Variants in CNOT3 observed in about 807,000 individuals in gnomAD.
CNOT3 encodes the protein CCR4-associated factor 3.
A neutral mutation model predicts 89.4 loss-of-function variants in CNOT3; 2 were observed. The observed-to-expected ratio is 0.02, with a 90% confidence interval of 0.01 to 0.07. CNOT3 has a LOEUF of 0.07. CNOT3 is among the 10% of genes least tolerant of loss of function. The probability of loss-of-function intolerance (pLI) is 1.00; values close to 1 mark genes in which losing one functional copy is unlikely to be tolerated. For synonymous variants in CNOT3, 486 were observed against 402.0 expected, an observed-to-expected ratio of 1.21 and a Z score of -2.50; for missense variants, 664 against 1,010.2, an observed-to-expected ratio of 0.66 and a Z score of 4.65.
Position 54,144,193 on chromosome 19 carries a change from C to G in CNOT3, c.388-44C>G. ...GAGGATCCTGAGCCCTGGGTGTAGG[C>G]GGAACCCTAGCTGATGGGCTTCCTC... is the stretch of plus-strand genomic sequence containing the variant. On this transcript the variant is annotated intron_variant, in intron 6 of 17. Coordinates refer to ENST00000221232, the MANE Select transcript of CNOT3 (RefSeq NM_014516.4). This position sits in a 1 kb window ranked among gnomAD's most constrained non-coding sequence, Gnocchi z 4.8. 1 of 1,612,608 alleles carries G rather than the reference C, an allele frequency of 6.2e-7. No individual in the cohort carries two copies. The highest frequency in any genetic ancestry group is 8.5e-7 in the Non-Finnish European group (1 of 1,179,078).
At chr19:54,138,452 C>T (rs1183377412) in intron 1 of CNOT3, among the ~76,000 whole-genome samples, 1 of 152,162 alleles carries the variant, frequency 6.6e-6, no homozygotes, top group Non-Finnish European at 1.5e-5. Flanking sequence ...GGCCTCGGTC[C>T]TTCGCGTTGT....
At chr19:54,149,827 G>A in intron 13 of CNOT3, 69 bp downstream of exon 13, 1 of 1,446,746 alleles carries the variant, frequency 6.9e-7, no homozygotes, top group Non-Finnish European at 9.3e-7. Flanking sequence ...CAGGTCTCTA[G>A]CTGCACCCCT....
In CNOT3 at chr19:54,146,653, G is replaced by C; in HGVS notation, c.890G>C (p.Ser297Thr). ...GGACGTTCCACAGACAGTGAAGTCA[G>C]CCAGGTGGGTGTGAGCCTGGACCGG... Reference protein sequence around the residue: ...KRGRSTDSEVSQSPAKNGSKP... With the variant: ...KRGRSTDSEVTQSPAKNGSKP... Residue 297 changes from serine to threonine, a missense_variant, in exon 10 of 18, where the codon AGC (serine) becomes ACC (threonine). This residue lies in a region of CNOT3 where 545 missense variants were observed against 566.2 expected (regional missense o/e 0.96). Transcript: ENST00000221232. 1 of 1,546,350 alleles carries C rather than the reference G, an allele frequency of 6.5e-7. No homozygotes were observed. Among genetic ancestry groups the C allele is most frequent in the Non-Finnish European group, 8.9e-7 (1 of 1,118,234 alleles).
chr19:54,150,745 C>A (rs779358847), intron 13 of CNOT3, among the ~76,000 whole-genome samples: 2 of 152,026 alleles, frequency 1.3e-5, no homozygotes, highest in Non-Finnish European at 2.9e-5. Context: ...AAATCATCCT[C>A]ATAAAGCTCT....
At position 54,142,955 on chromosome 19, in the gene CNOT3, G is replaced by T. The variant is rs748702578; in HGVS notation, c.-24G>T. On this transcript the variant is annotated 5_prime_UTR_variant, in exon 2 of 18. Coordinates refer to ENST00000221232, the MANE Select transcript of CNOT3 (RefSeq NM_014516.4). ...GTCCGTCTCCAAGAGAGTATGAAGA[G>T]AGTGCGTCTGTAGGGCAGGGAAGAT... 6.2e-7 allele frequency: 1 copy of T among 1,613,128 alleles called. No individual in the cohort carries two copies.
At chr19:54,152,808 C>A (rs2075198008) in intron 15 of CNOT3, 59 bp from the exon 16 acceptor site, 3 of 901,228 alleles carry the variant, frequency 3.3e-6, no homozygotes, top group Non-Finnish European at 5.4e-6. Flanking sequence ...TCTGAGCACC[C>A]TTTTGATCAC....
At position 54,152,210 on chromosome 19, in the gene CNOT3, C is replaced by T. The variant is rs747626904; in HGVS notation, c.1606-16C>T. 4 of 1,613,804 alleles carry T rather than the reference C, an allele frequency of 2.5e-6. No individual in the cohort carries two copies. Among genetic ancestry groups the T allele is most frequent in the Non-Finnish European group, 3.4e-6 (4 of 1,179,866 alleles). On this transcript the variant is annotated splice_polypyrimidine_tract_variant and intron_variant, in intron 13 of 17. Transcript: ENST00000221232. ...CAGCCCAAGTGCTCAGGCCAGGCCT[C>T]TTGTTTCCTCCCCAGGCCCCTGAGC... is the stretch of plus-strand genomic sequence containing the variant.
chr19:54,140,498 G>A (rs587756212), intron 1 of CNOT3, among the ~76,000 whole-genome samples: 2 of 152,260 alleles, frequency 1.3e-5, no homozygotes, highest in African/African-American at 4.8e-5. Context: ...TCTGCTTCGA[G>A]ACTCAGGCTC....
rs190206269 is a variant in CNOT3, at chr19:54,148,212, C to T, written c.959C>T (p.Pro320Leu). The change falls in exon 11 of 18, where the codon CCG becomes CTG. Residue 320 changes from proline (P) to leucine (L), a missense_variant. Transcript: ENST00000221232. This position sits in a 1 kb window ranked among gnomAD's most constrained non-coding sequence, Gnocchi z 6.3. ...CAGCACCCTCAGTCCCCAGCTGTGCCGCCCACCTACCCCTCCGGCCCCCCG... is the reference window on the plus strand; with the variant it reads ...CAGCACCCTCAGTCCCCAGCTGTGCTGCCCACCTACCCCTCCGGCCCCCCG... ...SNQHPQSPAV[P>L]PTYPSGPPPA... 4.3e-5 allele frequency: 69 copies of T among 1,591,372 alleles called. No homozygotes were observed. Among genetic ancestry groups the T allele is most frequent in the African/African-American group, 8.1e-5 (6 of 74,306 alleles).
Position 54,152,848 on chromosome 19 carries a change from C to A in CNOT3, c.1905-19C>A. 2 of 1,284,820 alleles carry A rather than the reference C, an allele frequency of 1.6e-6. No individual in the cohort carries two copies. The highest frequency in any genetic ancestry group is 1.3e-5 in the South Asian group (1 of 75,016). 79.6% of individuals were successfully genotyped at this position (1,284,820 alleles called of 1,614,324 possible). ...GGACTAGTAGGCAGCTGGCACTGAC[C>A]TTCCTGTTGCTCTCACAGGCAGTAC... On this transcript the variant is annotated intron_variant, in intron 15 of 17. Coordinates refer to ENST00000221232, the MANE Select transcript of CNOT3 (RefSeq NM_014516.4).
Position 54,152,768 on chromosome 19 carries a change from C to T in CNOT3, c.1905-99C>T, listed in dbSNP as rs2075194081. The T allele has an allele frequency of 4.6e-6, 4 of 865,022 alleles. No individual in the cohort carries two copies. In the East Asian group the frequency reaches 7.3e-5, roughly 16 times the overall value. 53.6% of individuals were successfully genotyped at this position (865,022 alleles called of 1,614,324 possible). A position where few individuals can be genotyped will look rare whatever the true frequency, so the allele number is the denominator to read the frequency against. On this transcript the variant is annotated intron_variant, in intron 15 of 17. Transcript: ENST00000221232. Reference sequence around the variant, plus strand: ...AAGGTCAGCACCGCCCTGGGTCTTTCTGTACCACCTCCCCCCGCAGGGATG... The same window carrying T: ...AAGGTCAGCACCGCCCTGGGTCTTTTTGTACCACCTCCCCCCGCAGGGATG...
intron 17 of CNOT3, chr19:54,154,987 C>A (rs1289579245): frequency 2.4e-6 from 1 of 418,992 alleles, no homozygotes; most frequent in African/African-American, 2.1e-5. Flanking sequence ...ATCCTGTACT[C>A]ACGTGAGAGG....
In CNOT3 at chr19:54,148,232, C is replaced by T. The variant is rs1257669551; in HGVS notation, c.979C>T (p.Pro327Ser). The change falls in exon 11 of 18, where the codon CCC becomes TCC. Residue 327 changes from proline to serine, a missense_variant. This residue lies in a region of CNOT3 where 545 missense variants were observed against 566.2 expected (regional missense o/e 0.96). Coordinates refer to ENST00000221232, the MANE Select transcript of CNOT3 (RefSeq NM_014516.4). This position sits in a 1 kb window ranked among gnomAD's most constrained non-coding sequence, Gnocchi z 6.3. ...TGTGCCGCCCACCTACCCCTCCGGCCCCCCGCCTGCTGCCTCTGCCTTGAG... is the reference window on the plus strand; with the variant it reads ...TGTGCCGCCCACCTACCCCTCCGGCTCCCCGCCTGCTGCCTCTGCCTTGAG... ...PAVPPTYPSG[P>S]PPAASALSTT... The T allele has an allele frequency of 3.1e-6, 5 of 1,599,690 alleles. No homozygotes were observed. The highest frequency in any genetic ancestry group is 2.3e-5 in the East Asian group (1 of 44,308).
intron 10 of CNOT3, among the ~76,000 whole-genome samples, chr19:54,147,714 G>C (rs1370829146): frequency 6.6e-6 from 1 of 152,188 alleles, no homozygotes; most frequent in African/African-American, 2.4e-5. Context: ...GACCCTTCAG[G>C]TGACATTCAG....
At chr19:54,154,025 C>G (rs2075288463) in intron 17 of CNOT3, 185 bp downstream of exon 17, 1 of 786,528 alleles carries the variant, frequency 1.3e-6, no homozygotes, top group Admixed American at 2.0e-5. Context: ...TCATCCTCCA[C>G]TTGGCCAGCT....
intron 13 of CNOT3, among the ~76,000 whole-genome samples, chr19:54,151,418 G>A (rs2075097412): frequency 6.6e-6 from 1 of 152,116 alleles, no homozygotes; most frequent in South Asian, 2.1e-4. Context: ...GAAGCAGGAC[G>A]GATAGCTGGG....
intron 17 of CNOT3, chr19:54,154,529 A>ATT: frequency 6.3e-6 from 1 of 159,416 alleles, no homozygotes; most frequent in South Asian, 1.7e-4. Context: ...AGTGTCATGG[A>ATT]TTTTTTTTTT....
In CNOT3 at chr19:54,155,602, T is replaced by TC; in HGVS notation, c.*199dup. 8.9e-7 allele frequency: 1 copy of TC among 1,128,292 alleles called. No homozygotes were observed. Among genetic ancestry groups the TC allele is most frequent in the Non-Finnish European group, 1.3e-6 (1 of 797,718 alleles). The allele number at this position is 1,128,292 out of a possible 1,614,324, so 69.9% of individuals were successfully genotyped here. A position where few individuals can be genotyped will look rare whatever the true frequency, so the allele number is the denominator to read the frequency against. On this transcript the variant is annotated 3_prime_UTR_variant, in exon 18 of 18. Coordinates refer to ENST00000221232, the MANE Select transcript of CNOT3 (RefSeq NM_014516.4). ...CCCGGGGGCGAGGGCTGCCCCCTCC[T>TC]CCCCTCCCCAGTGAGGGACATTTTT...
Position 54,143,204 on chromosome 19 carries a change from CT to C in CNOT3, c.93+19del. On this transcript the variant is annotated intron_variant, in intron 3 of 17. Coordinates refer to ENST00000221232, the MANE Select transcript of CNOT3 (RefSeq NM_014516.4). Reference sequence around the variant, plus strand: ...GGCAGAAGGTACAGGGGCTGAGACCCTAATAATCTGGGTCTTCAGAGAGGAG... The same window carrying C: ...GGCAGAAGGTACAGGGGCTGAGACCCAATAATCTGGGTCTTCAGAGAGGAG... 1.2e-6 allele frequency: 2 copies of C among 1,608,908 alleles called. No individual in the cohort carries two copies. The highest frequency in any genetic ancestry group is 1.7e-6 in the Non-Finnish European group (2 of 1,175,638).
Sources: gnomAD v4.1 joint callset for allele counts (sites outside exome capture counted in the v4.1 genomes callset) on GRCh38, gnomAD v4.1.1 for gene constraint, gnomAD v4.1.1 regional missense constraint, Gnocchi (gnomAD v3.1) non-coding constraint, MANE v1.5 for transcripts, NCBI Gene and HGNC (gene_info 2026-07-23, HGNC 2026-07-21) for gene names.